ST6GALNAC3: variants seen among roughly 807,000 people sequenced by gnomAD.
The protein encoded by ST6GALNAC3 is alpha-N-acetylgalactosaminide alpha-2,6-sialyltransferase 3.
In ST6GALNAC3, 25 loss-of-function variants were observed where a neutral mutation model predicts 32.7. The ratio of observed to expected loss-of-function variants is 0.76; its 90% CI spans 0.56 to 1.07. The LOEUF (loss-of-function observed/expected upper bound fraction) is 1.07, where lower values mean the gene tolerates loss of function less well. Among genes scored for constraint, ST6GALNAC3 ranks in the 50% least tolerant of loss-of-function variants. ST6GALNAC3 has a pLI of 0.00. For synonymous variants in ST6GALNAC3, 129 were observed against 133.1 expected (o/e 0.97, Z 0.21); for missense variants, 355 against 382.4 (o/e 0.93, Z 0.60).
At chr1:76,296,531 T>G (rs73002405) in intron 1 of ST6GALNAC3, among the ~76,000 whole-genome samples, 2,395 of 152,214 alleles carry the variant, frequency 0.016, 56 homozygotes, top group African/African-American at 0.055. Flanking sequence ...TTGCCTTTCA[T>G]ATGTAGAAAA....
chr1:76,489,039 T>C (rs1432964291), intron 3 of ST6GALNAC3, among the ~76,000 whole-genome samples: 4 of 152,174 alleles, frequency 2.6e-5, no homozygotes, highest in Admixed American at 6.5e-5. Context: ...CAGTAAGATA[T>C]GTGAAGACAG....
chr1:76,546,711 T>C (rs1365268819), intron 3 of ST6GALNAC3, among the ~76,000 whole-genome samples: 2 of 152,150 alleles, frequency 1.3e-5, no homozygotes, highest in African/African-American at 2.4e-5. Context: ...GGCACAGTGG[T>C]TGGCAAATTA....
chr1:76,128,974 C>G (rs1649433716), intron 1 of ST6GALNAC3, among the ~76,000 whole-genome samples: 1 of 152,216 alleles, frequency 6.6e-6, no homozygotes, highest in Non-Finnish European at 1.5e-5. Flanking sequence ...GAGAGTCACC[C>G]AGGCCATCTG....
intron 3 of ST6GALNAC3, among the ~76,000 whole-genome samples, chr1:76,459,345 A>G (rs938763196): frequency 6.6e-6 from 1 of 152,186 alleles, no homozygotes; most frequent in African/African-American, 2.4e-5. Context: ...CAGGCGGATC[A>G]TGAGGTCAGG....
At chr1:76,479,786 C>A (rs1659605167) in intron 3 of ST6GALNAC3, among the ~76,000 whole-genome samples, 1 of 152,040 alleles carries the variant, frequency 6.6e-6, no homozygotes. Context: ...CAAATCATAG[C>A]AACTCCTTAT....
intron 1 of ST6GALNAC3, among the ~76,000 whole-genome samples, chr1:76,301,219 C>T (rs2100848456): frequency 6.6e-6 from 1 of 152,110 alleles, no homozygotes; most frequent in South Asian, 2.1e-4. Flanking sequence ...GGCAGCAACT[C>T]AGAGGAACAG....
rs1399220609 is a variant in ST6GALNAC3 at position 76,150,043 on chromosome 1, T to G, written c.18+75159T>G. Among the ~76,000 whole-genome samples the G allele has an allele frequency of 3.9e-5, 6 of 152,222 alleles. No individual in the cohort carries two copies. In the East Asian group the frequency reaches 1.2e-3, roughly 29 times the overall value. ...AGAATGGGGACTCAGCTCTTCTGCA[T>G]ACTGCAGTGTGACTCAGGCAGACAC... On this transcript the variant is annotated intron_variant, in intron 1 of 4. Coordinates refer to ENST00000328299, the MANE Select transcript of ST6GALNAC3 (RefSeq NM_152996.4).
At position 76,225,652 on chromosome 1, in the gene ST6GALNAC3, G is replaced by A. The variant is rs372653860; in HGVS notation, c.19-88153G>A. ...AGCCTAGGTAATGTTCTCTCATTTT[G>A]TAAGGAGATAATATTACTTAACCTA... On this transcript the variant is annotated intron_variant, in intron 1 of 4. Transcript: ENST00000328299. 3.2e-4 allele frequency among the ~76,000 whole-genome samples: 49 copies of A among 152,230 alleles called. No homozygotes were observed. The East Asian group carries it at 7.7e-3, about 24-fold the overall frequency.
At chr1:76,594,352 C>T (rs1647098430) in intron 3 of ST6GALNAC3, among the ~76,000 whole-genome samples, 1 of 152,072 alleles carries the variant, frequency 6.6e-6, no homozygotes, top group Non-Finnish European at 1.5e-5. Context: ...ACCTCATCTA[C>T]CCAACTCTTT....
At chr1:76,430,126 T>C (rs1655654347) in intron 3 of ST6GALNAC3, among the ~76,000 whole-genome samples, 1 of 152,202 alleles carries the variant, frequency 6.6e-6, no homozygotes, top group African/African-American at 2.4e-5. Context: ...AGTCACTTAC[T>C]TCAAAATATT....
At position 76,206,182 on chromosome 1, in the gene ST6GALNAC3, T is replaced by C. The variant is rs113423488; in HGVS notation, c.19-107623T>C. On this transcript the variant is annotated intron_variant, in intron 1 of 4. Coordinates refer to ENST00000328299, the MANE Select transcript of ST6GALNAC3 (RefSeq NM_152996.4). The stretch of plus-strand genomic sequence containing the variant: ...GTTCTATGATTCCATGGTGAAAGGA[T>C]ATTTTGAAGTACAGGGAACAGCACA... Among the ~76,000 whole-genome samples the C allele has an allele frequency of 3.8e-3, 584 of 152,310 alleles. 5 individuals are homozygous for C. Among genetic ancestry groups the C allele is most frequent in the African/African-American group, 0.013 (536 of 41,568 alleles).
intron 2 of ST6GALNAC3, among the ~76,000 whole-genome samples, chr1:76,325,486 T>A (rs143932137): frequency 1.8e-3 from 278 of 152,086 alleles, no homozygotes; most frequent in African/African-American, 6.4e-3. Context: ...GTGATATTCT[T>A]AGGAAGAAAA....
At chr1:76,601,478 T>C (rs1385381571) in intron 3 of ST6GALNAC3, among the ~76,000 whole-genome samples, 1 of 152,118 alleles carries the variant, frequency 6.6e-6, no homozygotes, top group Non-Finnish European at 1.5e-5. Context: ...GTAAAGGAAT[T>C]TATTTTTCAA....
intron 3 of ST6GALNAC3, among the ~76,000 whole-genome samples, chr1:76,538,703 A>T (rs1663789360): frequency 6.6e-6 from 1 of 152,196 alleles, no homozygotes; most frequent in Non-Finnish European, 1.5e-5. Flanking sequence ...CAAAAATCAC[A>T]TGCATTCCTT....
At chr1:76,280,925 A>G (rs942812366) in intron 1 of ST6GALNAC3, among the ~76,000 whole-genome samples, 1 of 152,238 alleles carries the variant, frequency 6.6e-6, no homozygotes, top group African/African-American at 2.4e-5. Context: ...CCCTCCACCC[A>G]ACTATGCATT....
intron 2 of ST6GALNAC3, among the ~76,000 whole-genome samples, chr1:76,369,290 T>A (rs1482928794): frequency 1.3e-5 from 2 of 152,148 alleles, no homozygotes; most frequent in Non-Finnish European, 2.9e-5. Flanking sequence ...TGCTCAGGTA[T>A]CACTGTGAAT....
chr1:76,606,420 A>G (rs1193407036), intron 3 of ST6GALNAC3, among the ~76,000 whole-genome samples: 2 of 152,196 alleles, frequency 1.3e-5, no homozygotes, highest in East Asian at 3.9e-4. Flanking sequence ...TTGCAGGGAC[A>G]TGAATGGAGC....
intron 3 of ST6GALNAC3, among the ~76,000 whole-genome samples, chr1:76,564,187 G>A (rs1178869492): frequency 6.6e-6 from 1 of 152,202 alleles, no homozygotes; most frequent in African/African-American, 2.4e-5. Flanking sequence ...ACAACACAAA[G>A]CAGGTGAAGC....
At chr1:76,495,862 A>T (rs1424242580) in intron 3 of ST6GALNAC3, among the ~76,000 whole-genome samples, 4 of 152,188 alleles carry the variant, frequency 2.6e-5, no homozygotes, top group Non-Finnish European at 5.9e-5. Flanking sequence ...TTGTTACTTG[A>T]GGAATCTTCT....
Sources: allele counts gnomAD v4.1 joint callset (sites outside exome capture counted in the v4.1 genomes callset), GRCh38; gene constraint gnomAD v4.1.1; transcripts MANE v1.5; gene names NCBI Gene and HGNC (gene_info 2026-07-23, HGNC 2026-07-21).